FYB1: variants seen among roughly 807,000 people sequenced by gnomAD.
FYB1 encodes FYN-binding protein 1.
In FYB1, 41 loss-of-function variants were observed where a neutral mutation model predicts 94.1. The ratio of observed to expected loss-of-function variants is 0.44; its 90% CI spans 0.34 to 0.57. The LOEUF is 0.57. Ranked by LOEUF, FYB1 falls within the 20% of genes least tolerant of loss-of-function variation. FYB1 has a pLI of 0.02. For synonymous variants in FYB1, 367 were observed against 353.2 expected (o/e 1.04, Z -0.44); for missense variants, 1,050 against 976.8 (o/e 1.07, Z -1.00).
At chr5:39,174,214 T>C (rs1745501175) in intron 2 of FYB1, among the ~76,000 whole-genome samples, 1 of 152,194 alleles carries the variant, frequency 6.6e-6, no homozygotes, top group African/African-American at 2.4e-5. Flanking sequence ...GTAGCTATTG[T>C]AAATGGGATT....
rs564401745 is a variant in FYB1, at chr5:39,269,198, C to T, written c.-28+5205G>A. 2.1e-4 allele frequency among the ~76,000 whole-genome samples: 32 copies of T among 152,186 alleles called. No individual in the cohort carries two copies. The South Asian group carries it at 6.2e-3, about 30-fold the overall frequency. On this transcript the variant is annotated intron_variant, in intron 1 of 1. Transcript: ENST00000510188. ...CCGAGTGGCTGGGACTACAGGCACC[C>T]ACCACGATGCCCAGCTAATTTTTTG...
chr5:39,207,321 C>T (rs1319750020), intron 1 of FYB1, among the ~76,000 whole-genome samples: 4 of 152,166 alleles, frequency 2.6e-5, no homozygotes, highest in African/African-American at 9.7e-5. Context: ...AAAATCTCTT[C>T]ATAGAAATTA....
chr5:39,162,086 T>C (rs1744298853), intron 2 of FYB1, among the ~76,000 whole-genome samples: 2 of 152,220 alleles, frequency 1.3e-5, no homozygotes, highest in African/African-American at 4.8e-5. Context: ...CATTCATCAG[T>C]TGATGAACAT....
intron 2 of FYB1, among the ~76,000 whole-genome samples, chr5:39,154,533 G>T (rs1743572461): frequency 6.8e-6 from 1 of 148,138 alleles, no homozygotes; most frequent in Non-Finnish European, 1.5e-5. Context: ...GTGAGAGGGA[G>T]TCTAGCTCTG....
intron 2 of FYB1, among the ~76,000 whole-genome samples, chr5:39,191,195 C>T (rs1374801202): frequency 6.6e-6 from 1 of 152,130 alleles, no homozygotes; most frequent in East Asian, 1.9e-4. Context: ...ATCATATCGC[C>T]ACACAGGTTG....
chr5:39,107,720 TAGTC>T (rs1241395219), intron 18 of FYB1, among the ~76,000 whole-genome samples: 5 of 152,016 alleles, frequency 3.3e-5, no homozygotes, highest in Non-Finnish European at 7.4e-5. Flanking sequence ...ATGTGGCACT[TAGTC>T]ATATACTTTT....
chr5:39,117,134 C>T (rs950224520), intron 16 of FYB1, among the ~76,000 whole-genome samples: 3 of 152,120 alleles, frequency 2.0e-5, no homozygotes, highest in Non-Finnish European at 4.4e-5. Flanking sequence ...ATCATTTAGA[C>T]TCATCACCTT....
At chr5:39,188,506 G>T in intron 2 of FYB1, among the ~76,000 whole-genome samples, 1 of 96,728 alleles carries the variant, frequency 1.0e-5, no homozygotes, top group East Asian at 2.7e-4. Context: ...TAGCCCCACT[G>T]CCCCCACTCT....
chr5:39,187,161 TAAAAAAAGCTTTCAGCTTAC>T (rs1293574382), intron 2 of FYB1, among the ~76,000 whole-genome samples: 11 of 152,030 alleles, frequency 7.2e-5, no homozygotes, highest in African/African-American at 2.7e-4. Context: ...AAAGCAAGCT[TAAAAAAAGCTTTCAGCTTAC>T]AAAAATACTG....
At chr5:39,170,098 G>T in intron 2 of FYB1, 1 of 849,364 alleles carries the variant, frequency 1.2e-6, no homozygotes, top group Non-Finnish European at 2.0e-6. Flanking sequence ...AGCTAAGATG[G>T]TGGCTTTTTG....
intron 2 of FYB1, among the ~76,000 whole-genome samples, chr5:39,193,848 T>C (rs1005446420): frequency 2.0e-5 from 3 of 152,152 alleles, no homozygotes; most frequent in Admixed American, 6.5e-5. Context: ...CGAGCACAGC[T>C]AACATTTATG....
intron 1 of FYB1, 96 bp from the exon 2 acceptor site, chr5:39,203,083 T>G: frequency 9.8e-7 from 1 of 1,020,464 alleles, no homozygotes. Flanking sequence ...GTTTGAGGCC[T>G]GCAGCGTTGC....
intron 2 of FYB1, among the ~76,000 whole-genome samples, chr5:39,174,689 T>C (rs1174860978): frequency 6.6e-6 from 1 of 152,352 alleles, no homozygotes; most frequent in East Asian, 1.9e-4. Context: ...AAGTCTGAAG[T>C]TCTTTCTATC....
chr5:39,227,641 C>T (rs1406718021), intron 1 of FYB1, among the ~76,000 whole-genome samples: 1 of 152,190 alleles, frequency 6.6e-6, no homozygotes, highest in Non-Finnish European at 1.5e-5. Context: ...AAATTTCTAG[C>T]TTTCCATGCA....
At position 39,202,824 on chromosome 5, in the gene FYB1, C is replaced by G; in HGVS notation, c.137G>C (p.Ser46Thr). Reference sequence around the variant, plus strand: ...TACATTGCTGGGTCCTGCAGGAGGGCTGGCATTTCCTTGGTTGTTGAATAA... The same window carrying G: ...TACATTGCTGGGTCCTGCAGGAGGGGTGGCATTTCCTTGGTTGTTGAATAA... ...KNLFNNQGNASPPAGPSNVPK... is the reference protein window; with the variant it reads ...KNLFNNQGNATPPAGPSNVPK... Residue 46 changes from serine to threonine, a missense_variant, in exon 2 of 19, where the codon AGC (serine) becomes ACC (threonine). Coordinates refer to ENST00000512982, the MANE Select transcript of FYB1 (RefSeq NM_001465.6). The G allele has an allele frequency of 6.2e-7, 1 of 1,613,938 alleles. No individual in the cohort carries two copies. Among genetic ancestry groups the G allele is most frequent in the East Asian group, 2.2e-5 (1 of 44,872 alleles).
chr5:39,115,837 A>G (rs1739513020), intron 16 of FYB1, among the ~76,000 whole-genome samples: 1 of 152,206 alleles, frequency 6.6e-6, no homozygotes, highest in Admixed American at 6.5e-5. Flanking sequence ...AGTCAGTAAC[A>G]TGCTCCTAGT....
chr5:39,143,208 C>T (rs907080494), intron 3 of FYB1, among the ~76,000 whole-genome samples: 1 of 152,104 alleles, frequency 6.6e-6, no homozygotes, highest in Non-Finnish European at 1.5e-5. Flanking sequence ...GTATTATCAT[C>T]TCAGAAACTG....
At position 39,134,494 on chromosome 5, in the gene FYB1, G is replaced by T. The variant is rs115832555; in HGVS notation, c.1676-145C>A. The T allele has an allele frequency of 2.6e-4, 185 of 716,638 alleles. 1 individual carries two copies. In the African/African-American group the frequency reaches 3.1e-3, roughly 12 times the overall value. 44.4% of individuals were successfully genotyped at this position (716,638 alleles called of 1,614,324 possible). ...TTCTGATTTGTAGACCTCCCAAGTA[G>T]ACCCAAATTTTACTGTACTCTGTCA... On this transcript the variant is annotated intron_variant, in intron 8 of 18. Transcript: ENST00000512982.
intron 7 of FYB1, among the ~76,000 whole-genome samples, chr5:39,135,617 G>C (rs954260851): frequency 8.5e-5 from 13 of 152,152 alleles, no homozygotes; most frequent in Admixed American, 6.5e-5. Flanking sequence ...TCCTAAATTG[G>C]TGTCTTTTCA....
Sources: allele counts gnomAD v4.1 joint callset (sites outside exome capture counted in the v4.1 genomes callset), GRCh38; gene constraint gnomAD v4.1.1; transcripts MANE v1.5; gene names NCBI Gene and HGNC (gene_info 2026-07-23, HGNC 2026-07-21).